The following OR7G2 variants were observed in gnomAD, a reference collection of about 807,000 sequenced individuals.
The protein encoded by OR7G2 is olfactory receptor family 7 subfamily G member 2, also known as olfactory receptor 7G2.
For synonymous variants in OR7G2, 153 were observed against 152.2 expected (o/e 1.01, Z -0.04); for missense variants, 362 against 384.0 (o/e 0.94, Z 0.48).
intron 1 of OR7G2, among the ~76,000 whole-genome samples, chr19:9,104,575 C>A (rs1225671823): frequency 1.3e-5 from 2 of 151,998 alleles, no homozygotes; most frequent in African/African-American, 4.8e-5. Context: ...TGCTTGTAAT[C>A]CCAGCACTTT....
intron 1 of OR7G2, among the ~76,000 whole-genome samples, chr19:9,105,499 T>C (rs538099498): frequency 6.6e-6 from 1 of 152,276 alleles, no homozygotes; most frequent in South Asian, 2.1e-4. Context: ...ACCACATTAT[T>C]ATCTCAATAG....
intron 1 of OR7G2, among the ~76,000 whole-genome samples, chr19:9,104,405 A>T (rs541402282): frequency 6.6e-6 from 1 of 152,306 alleles, no homozygotes; most frequent in East Asian, 1.9e-4. Context: ...ATTTTCTAAG[A>T]CAATCATCCA....
chr19:9,103,196 T>A lies in OR7G2; in HGVS notation c.48A>T (p.Gly16=). Residue 16 remains glycine (G), a synonymous_variant, in exon 2 of 2, where the codon GGA becomes GGT. Coordinates refer to ENST00000641081, the MANE Select transcript of OR7G2 (RefSeq NM_001005193.2). ...QTAISKFLLL[G]LIEDPELQPV... ...GCTGCAGTTCCGGATCCTCTATCAG[T>A]CCCAGGAGAAGGAATTTTGAAATAG... 16 of 1,614,046 alleles carry A rather than the reference T, an allele frequency of 9.9e-6. No homozygotes were observed. The highest frequency in any genetic ancestry group is 1.1e-5 in the Non-Finnish European group (13 of 1,179,988).
Position 9,103,018 on chromosome 19 carries a change from T to A in OR7G2, c.226A>T (p.Thr76Ser). 1 of 1,614,058 alleles carries A rather than the reference T, an allele frequency of 6.2e-7. No individual in the cohort carries two copies. Among genetic ancestry groups the A allele is most frequent in the Non-Finnish European group, 8.5e-7 (1 of 1,180,006 alleles). The change falls in exon 2 of 2, where the codon ACC becomes TCC. Residue 76 changes from threonine to serine, a missense_variant. Transcript: ENST00000641081. ...TTCACCAGCATCTTTGGGATCGTGG[T>A]TGTGCTTAAACAAATGTCCAAAAAG... ...LSFLDICLST[T>S]TIPKMLVNIQ...
chr19:9,105,913 G>A (rs900295284), intron 1 of OR7G2, among the ~76,000 whole-genome samples: 1 of 151,284 alleles, frequency 6.6e-6, no homozygotes, highest in Non-Finnish European at 1.5e-5. Context: ...AAGAGAGAAG[G>A]GAAGAGAAAG....
intron 1 of OR7G2, among the ~76,000 whole-genome samples, chr19:9,105,570 T>A (rs1232432050): frequency 6.6e-6 from 1 of 152,098 alleles, no homozygotes; most frequent in Non-Finnish European, 1.5e-5. Context: ...CTCAACAGGC[T>A]GTGCGTGGTG....
Position 9,103,052 on chromosome 19 carries a change from G to A in OR7G2, c.192C>T (p.Ser64=), listed in dbSNP as rs780804338. 1.2e-6 allele frequency: 2 copies of A among 1,614,092 alleles called. No homozygotes were observed. Among genetic ancestry groups the A allele is most frequent in the South Asian group, 1.1e-5 (1 of 91,064 alleles). Residue 64 remains serine, a synonymous_variant, in exon 2 of 2, where the codon TCC becomes TCT. Transcript: ENST00000641081. ...AACAAATGTCCAAAAAGGAGAGATT[G>A]GAGAGGAAGAAGTACATGGGGGTGT... ...HLHTPMYFFL[S]NLSFLDICLS... is the part of the protein sequence containing the mutation.
chr19:9,102,195 C>T lies in OR7G2; in HGVS notation c.*74G>A. 1 of 1,356,316 alleles carries T rather than the reference C, an allele frequency of 7.4e-7. No individual in the cohort carries two copies. The highest frequency in any genetic ancestry group is 2.3e-5 in the East Asian group (1 of 43,378). The allele number at this position is 1,356,316 out of a possible 1,614,324, so 84.0% of individuals were successfully genotyped here. On this transcript the variant is annotated 3_prime_UTR_variant, in exon 2 of 2. Transcript: ENST00000641081. ...CCAGCCTGGGAGACAGAGAAAGACT[C>T]CATCTCAGAGAAAAAAACAAAACAA...
At chr19:9,106,132 A>C (rs2050384373) in intron 1 of OR7G2, among the ~76,000 whole-genome samples, 1 of 151,952 alleles carries the variant, frequency 6.6e-6, no homozygotes, top group Non-Finnish European at 1.5e-5. Flanking sequence ...TAAGATTCAC[A>C]CAAGGCCAGG....
Position 9,106,736 on chromosome 19 carries a change from C to CAAA in OR7G2, c.-17+575_-17+577dup, listed in dbSNP as rs35689167. Among the ~76,000 whole-genome samples, 22 of 118,694 alleles carry CAAA rather than the reference C, an allele frequency of 1.9e-4. 1 individual carries two copies. The highest frequency in any genetic ancestry group is 1.1e-3 in the South Asian group (4 of 3,646). The allele number at this position is 118,694 out of a possible 152,430, so 77.9% of individuals were successfully genotyped here. Reference sequence around the variant, plus strand: ...TGGGTGACAGAGCAAGATTCCATCTCAAAAAAAAAAAAAAAAAAGTGCATA... The same window carrying CAAA: ...TGGGTGACAGAGCAAGATTCCATCTCAAAAAAAAAAAAAAAAAAAAAGTGCATA... On this transcript the variant is annotated intron_variant, in intron 1 of 1. Coordinates refer to ENST00000641081, the MANE Select transcript of OR7G2 (RefSeq NM_001005193.2).
chr19:9,106,215 T>G lies in OR7G2; in HGVS notation c.-17+1099A>C, dbSNP rs533605272. Among the ~76,000 whole-genome samples, 6 of 149,328 alleles carry G rather than the reference T, an allele frequency of 4.0e-5. No homozygotes were observed. The South Asian group carries it at 1.3e-3, about 32-fold the overall frequency. ...GGTGGATCACCTGAGATCAAGAGTT[T>G]GAGATCAGCCTGGCCAATATGGCGA... On this transcript the variant is annotated intron_variant, in intron 1 of 1. Coordinates refer to ENST00000641081, the MANE Select transcript of OR7G2 (RefSeq NM_001005193.2).
rs1015585227 is a variant in OR7G2, at chr19:9,100,718, T to A, written c.*1551A>T. ...TTTACCAGTGACTGGTCCCAGTAGT[T>A]ACTAAATTGGGTATGAAAACTTAGC... On this transcript the variant is annotated 3_prime_UTR_variant, in exon 2 of 2. Transcript: ENST00000641081. 1 of 152,192 alleles carries A rather than the reference T, an allele frequency of 6.6e-6. No individual in the cohort carries two copies. Among genetic ancestry groups the A allele is most frequent in the African/African-American group, 2.4e-5 (1 of 41,450 alleles). 9.4% of individuals were successfully genotyped at this position (152,192 alleles called of 1,614,324 possible).
At chr19:9,103,866 G>GTTTT (rs74176681) in intron 1 of OR7G2, among the ~76,000 whole-genome samples, 1 of 101,074 alleles carries the variant, frequency 9.9e-6, no homozygotes, top group Non-Finnish European at 1.9e-5. Context: ...ATGTGGAAAT[G>GTTTT]TTTTTTTTTT....
rs766292290 is a variant in OR7G2, at chr19:9,102,412, A to C, written c.832T>G (p.Tyr278Asp). The C allele has an allele frequency of 2.5e-6, 4 of 1,613,978 alleles. No homozygotes were observed. Among genetic ancestry groups the C allele is most frequent in the Non-Finnish European group, 3.4e-6 (4 of 1,179,874 alleles). The change falls in exon 2 of 2, where the codon TAT becomes GAT. Residue 278 changes from tyrosine (Y) to aspartate (D), a missense_variant. Tyr to Asp is a radical substitution (Grantham distance 160). Transcript: ENST00000641081. ...TTCACCATTTGAGGGAACACAGAAT[A>C]CATCACTGAAGCCACTGCAGTCTTC... ...PRKTAVASVMYSVFPQMVNPF... is the reference protein window; with the variant it reads ...PRKTAVASVMDSVFPQMVNPF...
chr19:9,103,238 T>C lies in OR7G2; in HGVS notation c.6A>G (p.Glu2=), dbSNP rs2050366335. Residue 2 remains glutamate (E), a synonymous_variant, in exon 2 of 2, where the codon GAA becomes GAG. Transcript: ENST00000641081. M[E]ARNQTAISKF... is the part of the protein sequence containing the mutation. ...TTGAAATAGCTGTTTGGTTTCTCGC[T>C]TCCATGCTGTTGATGATGAATCTGA... 1 of 1,614,082 alleles carries C rather than the reference T, an allele frequency of 6.2e-7. No individual in the cohort carries two copies. The highest frequency in any genetic ancestry group is 1.1e-5 in the South Asian group (1 of 91,080).
In OR7G2 at chr19:9,102,913, C is replaced by T. The variant is rs754274114; in HGVS notation, c.331G>A (p.Glu111Lys). Reference sequence around the variant, plus strand: ...GCCATTGCTGCAAGGAGACAATTTTCCAAGCCAGCAAAAAACAAGACAAAG... The same window carrying T: ...GCCATTGCTGCAAGGAGACAATTTTTCAAGCCAGCAAAAAACAAGACAAAG... Reference protein sequence around the residue: ...ICFVLFFAGLENCLLAAMAYD... With the variant: ...ICFVLFFAGLKNCLLAAMAYD... The change falls in exon 2 of 2, where the codon GAA (glutamate) becomes AAA (lysine). Residue 111 changes from glutamate to lysine, a missense_variant. Transcript: ENST00000641081. The T allele has an allele frequency of 6.2e-7, 1 of 1,614,160 alleles. No individual in the cohort carries two copies. Among genetic ancestry groups the T allele is most frequent in the Non-Finnish European group, 8.5e-7 (1 of 1,180,024 alleles).
At position 9,101,552 on chromosome 19, in the gene OR7G2, T is replaced by C. The variant is rs183087613; in HGVS notation, c.*717A>G. The C allele has an allele frequency of 8.6e-5, 13 of 151,668 alleles. No individual in the cohort carries two copies. The highest frequency in any genetic ancestry group is 7.9e-4 in the Admixed American group (12 of 15,190). The allele number at this position is 151,668 out of a possible 1,614,324, so 9.4% of individuals were successfully genotyped here. A position where few individuals can be genotyped will look rare whatever the true frequency, so the allele number is the denominator to read the frequency against. ...CAGCATGATGAAACCTCACCTCTACTAAAAGTACAAAAATTAGCCGGGTGT... is the reference window on the plus strand; with the variant it reads ...CAGCATGATGAAACCTCACCTCTACCAAAAGTACAAAAATTAGCCGGGTGT... On this transcript the variant is annotated 3_prime_UTR_variant, in exon 2 of 2. Transcript: ENST00000641081.
At chr19:9,103,457 A>G in intron 1 of OR7G2, 198 bp from the exon 2 acceptor site, 1 of 571,024 alleles carries the variant, frequency 1.8e-6, no homozygotes, top group Non-Finnish European at 3.1e-6. Flanking sequence ...AGTTCAAAAC[A>G]TTTACTTAGG....
intron 1 of OR7G2, among the ~76,000 whole-genome samples, chr19:9,107,029 C>T (rs971906608): frequency 1.4e-5 from 2 of 146,132 alleles, no homozygotes; most frequent in African/African-American, 4.9e-5. Context: ...TAGTGAGAAC[C>T]TGTGTCTACA....
Sources: gnomAD v4.1 joint callset for allele counts (sites outside exome capture counted in the v4.1 genomes callset) on GRCh38, gnomAD v4.1.1 for gene constraint, MANE v1.5 for transcripts, NCBI Gene and HGNC (gene_info 2026-07-23, HGNC 2026-07-21) for gene names.